Variants in RASEF observed in about 807,000 individuals in gnomAD.
RASEF encodes ras and EF-hand domain-containing protein.
Under a neutral mutation model 90.1 loss-of-function variants are expected in RASEF, and 68 were observed. The ratio of observed to expected loss-of-function variants is 0.75; its 90% CI spans 0.62 to 0.92. The LOEUF (loss-of-function observed/expected upper bound fraction) is 0.92. Ranked by LOEUF, RASEF falls within the 40% of genes least tolerant of loss-of-function variation. RASEF has a pLI of 0.00. For missense variants in RASEF, 949 were observed against 937.2 expected (o/e 1.01, Z -0.16); for synonymous variants, 331 against 345.2 (o/e 0.96, Z 0.46).
At chr9:83,006,609 G>C (rs1483537110) in intron 7 of RASEF, among the ~76,000 whole-genome samples, 2 of 152,118 alleles carry the variant, frequency 1.3e-5, no homozygotes, top group Admixed American at 1.3e-4. Flanking sequence ...AGAGGGGTAG[G>C]TTTTGTGGGG....
chr9:83,144,391 G>GAAAGAAAGAAAA, the RASEF span, among the ~76,000 whole-genome samples: 3 of 33,220 alleles, frequency 9.0e-5, no homozygotes, highest in African/African-American at 3.1e-4. Flanking sequence ...AAGAAAGAAA[G>GAAAGAAAGAAAA]GAAAGAAAGA....
chr9:83,195,561 G>A, the RASEF span, among the ~76,000 whole-genome samples: 1 of 152,074 alleles, frequency 6.6e-6, no homozygotes, highest in Non-Finnish European at 1.5e-5. Context: ...AGGCACTAGC[G>A]ATACAGCAGT....
At chr9:83,144,633 C>T in the RASEF span, among the ~76,000 whole-genome samples, 1 of 152,160 alleles carries the variant, frequency 6.6e-6, no homozygotes, top group Admixed American at 6.5e-5. Flanking sequence ...TGAAAAACCA[C>T]ACACAGGTGT....
At chr9:83,041,982 T>C (rs1213993982) in intron 1 of RASEF, among the ~76,000 whole-genome samples, 3 of 152,194 alleles carry the variant, frequency 2.0e-5, no homozygotes, top group African/African-American at 7.2e-5. Flanking sequence ...CTTCCCTTAA[T>C]TGAGTCATCA....
the RASEF span, among the ~76,000 whole-genome samples, chr9:83,143,741 A>C: frequency 6.6e-6 from 1 of 152,238 alleles, no homozygotes; most frequent in South Asian, 2.1e-4. Flanking sequence ...TGTGGAAAGC[A>C]GTTTGAAGAT....
the RASEF span, among the ~76,000 whole-genome samples, chr9:83,169,516 A>G: frequency 1.3e-5 from 2 of 151,670 alleles, no homozygotes; most frequent in Non-Finnish European, 2.9e-5. Context: ...GTGTATGAGC[A>G]TTTCCTTTTC....
chr9:83,215,302 T>G, the RASEF span, among the ~76,000 whole-genome samples: 1 of 152,122 alleles, frequency 6.6e-6, no homozygotes, highest in Non-Finnish European at 1.5e-5. Flanking sequence ...CTCAGGGTAT[T>G]AAAAGCTATC....
chr9:83,025,256 C>A (rs945753291), intron 2 of RASEF, among the ~76,000 whole-genome samples: 24 of 152,110 alleles, frequency 1.6e-4, no homozygotes, highest in African/African-American at 5.3e-4. Flanking sequence ...TAGAGAGAGT[C>A]AAAGCAGCAC....
the RASEF span, among the ~76,000 whole-genome samples, chr9:83,118,362 CA>C: frequency 6.6e-6 from 1 of 152,124 alleles, no homozygotes; most frequent in African/African-American, 2.4e-5. Context: ...CAAATAGCCT[CA>C]AAAATAATTA....
At chr9:83,114,943 CCTATT>C in the RASEF span, among the ~76,000 whole-genome samples, 1 of 152,136 alleles carries the variant, frequency 6.6e-6, no homozygotes, top group African/African-American at 2.4e-5. Flanking sequence ...TGACCCACAT[CCTATT>C]CATACACTCC....
At chr9:83,131,585 G>A in the RASEF span, among the ~76,000 whole-genome samples, 9 of 152,104 alleles carry the variant, frequency 5.9e-5, no homozygotes, top group African/African-American at 9.7e-5. Context: ...GACTGATCTC[G>A]CTCGGCAAAG....
At chr9:83,182,059 G>A in the RASEF span, among the ~76,000 whole-genome samples, 8 of 152,152 alleles carry the variant, frequency 5.3e-5, no homozygotes, top group Non-Finnish European at 1.0e-4. Context: ...CATTTCAGAT[G>A]AAGGAGTCTC....
chr9:83,132,247 C>G, the RASEF span, among the ~76,000 whole-genome samples: 2 of 152,096 alleles, frequency 1.3e-5, no homozygotes, highest in African/African-American at 4.8e-5. Context: ...CTCGGAGCTA[C>G]CATGTAATAG....
chr9:83,195,304 T>C, the RASEF span, among the ~76,000 whole-genome samples: 1 of 152,190 alleles, frequency 6.6e-6, no homozygotes, highest in Non-Finnish European at 1.5e-5. Flanking sequence ...GCCCAAATCC[T>C]CCAGAGTTCT....
At chr9:83,044,834 A>G (rs549277819) in intron 1 of RASEF, among the ~76,000 whole-genome samples, 2 of 152,208 alleles carry the variant, frequency 1.3e-5, no homozygotes, top group African/African-American at 2.4e-5. Flanking sequence ...TTAACACTTA[A>G]ATCAGTAGAC....
the RASEF span, among the ~76,000 whole-genome samples, chr9:83,101,263 T>G: frequency 6.6e-6 from 1 of 152,162 alleles, no homozygotes; most frequent in Non-Finnish European, 1.5e-5. Context: ...CACAGTTACC[T>G]CTTATAAATT....
chr9:83,006,882 A>T (rs1016661295), intron 7 of RASEF, among the ~76,000 whole-genome samples: 3 of 152,100 alleles, frequency 2.0e-5, no homozygotes, highest in Non-Finnish European at 4.4e-5. Context: ...TCACAAAGTC[A>T]GGAGATCGAG....
chr9:83,018,821 A>C (rs932150233), intron 3 of RASEF, among the ~76,000 whole-genome samples: 5 of 152,180 alleles, frequency 3.3e-5, no homozygotes, highest in African/African-American at 1.2e-4. Flanking sequence ...TAGACAAATC[A>C]ATCAATGGAA....
rs984912133 is a variant in RASEF, at chr9:82,980,952, G to C, written c.*1725C>G. The C allele has an allele frequency of 2.0e-5, 3 of 152,156 alleles. No individual in the cohort carries two copies. The highest frequency in any genetic ancestry group is 7.2e-5 in the African/African-American group (3 of 41,432). The allele number at this position is 152,156 out of a possible 1,614,324, so 9.4% of individuals were successfully genotyped here. Reference sequence around the variant, plus strand: ...GAAGGCATGTTTATAAAAGTTAAATGATGTTGTAGCTATTTATAATCTTTG... The same window carrying C: ...GAAGGCATGTTTATAAAAGTTAAATCATGTTGTAGCTATTTATAATCTTTG... On this transcript the variant is annotated 3_prime_UTR_variant, in exon 17 of 17. Transcript: ENST00000376447.
Sources: allele counts gnomAD v4.1 joint callset (sites outside exome capture counted in the v4.1 genomes callset), GRCh38; gene constraint gnomAD v4.1.1; transcripts MANE v1.5; gene names NCBI Gene and HGNC (gene_info 2026-07-23, HGNC 2026-07-21).